Variants in MACROD2 observed in about 807,000 individuals in gnomAD.
MACROD2 encodes ADP-ribose glycohydrolase MACROD2.
A neutral mutation model predicts 70.4 loss-of-function variants in MACROD2; 36 were observed. That is an observed-to-expected ratio of 0.51 (90% CI 0.39 to 0.68). The LOEUF (loss-of-function observed/expected upper bound fraction) is 0.68, where lower values mean the gene tolerates loss of function less well. Ranked by LOEUF, MACROD2 falls within the 30% of genes least tolerant of loss-of-function variation. MACROD2 has a pLI of 0.00. For missense variants in MACROD2, 496 were observed against 538.4 expected, an observed-to-expected ratio of 0.92 and a Z score of 0.78; for synonymous variants, 172 against 178.8, an observed-to-expected ratio of 0.96 and a Z score of 0.30.
chr20:14,879,534 A>T (rs2073587721), intron 5 of MACROD2, among the ~76,000 whole-genome samples: 1 of 152,216 alleles, frequency 6.6e-6, no homozygotes, highest in Admixed American at 6.5e-5. Flanking sequence ...GAGAGGCTAT[A>T]GAGGTGAAAT....
chr20:15,270,541 C>T (rs938385721), intron 6 of MACROD2, among the ~76,000 whole-genome samples: 4 of 151,878 alleles, frequency 2.6e-5, no homozygotes, highest in African/African-American at 9.7e-5. Context: ...GTTACATGAA[C>T]CTATTTGTGT....
At chr20:15,807,084 T>G (rs186017549) in intron 8 of MACROD2, among the ~76,000 whole-genome samples, 3 of 152,340 alleles carry the variant, frequency 2.0e-5, no homozygotes, top group Admixed American at 2.0e-4. Context: ...AACCTATGCA[T>G]GTATTTCCAG....
At chr20:15,380,731 T>C (rs1720428039) in intron 6 of MACROD2, among the ~76,000 whole-genome samples, 1 of 152,130 alleles carries the variant, frequency 6.6e-6, no homozygotes, top group South Asian at 2.1e-4. Flanking sequence ...GCAAACAATA[T>C]AGATTAAGGT....
At chr20:15,162,019 T>C (rs1042761292) in intron 5 of MACROD2, among the ~76,000 whole-genome samples, 1 of 147,500 alleles carries the variant, frequency 6.8e-6, no homozygotes, top group Non-Finnish European at 1.5e-5. Context: ...CTTAATGGGG[T>C]TAATTAAAAA....
chr20:14,898,693 C>T (rs79236197), intron 5 of MACROD2, among the ~76,000 whole-genome samples: 2,356 of 152,272 alleles, frequency 0.015, 41 homozygotes, highest in Non-Finnish European at 0.025. Context: ...TGGAATTATC[C>T]TACTGCCACA....
At chr20:15,229,166 T>A (rs2076937894) in intron 5 of MACROD2, among the ~76,000 whole-genome samples, 2 of 152,220 alleles carry the variant, frequency 1.3e-5, no homozygotes, top group South Asian at 4.1e-4. Context: ...ATTAAAAGTT[T>A]ACGTGTGTGT....
chr20:15,583,290 T>C (rs1335238725), intron 8 of MACROD2, among the ~76,000 whole-genome samples: 1 of 152,190 alleles, frequency 6.6e-6, no homozygotes, highest in Non-Finnish European at 1.5e-5. Context: ...AACAAAAGAC[T>C]ACATAAAGAA....
In MACROD2 at chr20:14,220,693, C is replaced by T. The variant is rs568276850; in HGVS notation, c.271+134965C>T. Among the ~76,000 whole-genome samples, 7 of 152,300 alleles carry T rather than the reference C, an allele frequency of 4.6e-5. No homozygotes were observed. The East Asian group carries it at 1.4e-3, about 29-fold the overall frequency. ...TAGGGTACCCAGCGAGCTCCCAGGG[C>T]CTTTCTGCTGCATCCTCTACCCCTG... On this transcript the variant is annotated intron_variant, in intron 3 of 17. Transcript: ENST00000684519.
intron 9 of MACROD2, among the ~76,000 whole-genome samples, chr20:15,867,590 A>G (rs924508157): frequency 6.6e-6 from 1 of 152,044 alleles, no homozygotes; most frequent in Non-Finnish European, 1.5e-5. Context: ...AAGTGCTTGT[A>G]TTTTTTCAGT....
intron 5 of MACROD2, among the ~76,000 whole-genome samples, chr20:14,808,095 A>C (rs1351984296): frequency 1.3e-5 from 2 of 152,068 alleles, no homozygotes; most frequent in East Asian, 3.9e-4. Flanking sequence ...TACAGAGAAC[A>C]TTGCAAAGAT....
intron 3 of MACROD2, among the ~76,000 whole-genome samples, chr20:14,351,099 T>C (rs903834529): frequency 2.6e-5 from 4 of 152,222 alleles, no homozygotes; most frequent in Admixed American, 2.6e-4. Context: ...TTCTGTTCCA[T>C]TGAGCTATGT....
chr20:15,925,943 A>C (rs770076255), intron 10 of MACROD2, among the ~76,000 whole-genome samples: 3 of 152,190 alleles, frequency 2.0e-5, no homozygotes, highest in African/African-American at 4.8e-5. Context: ...TGGATGCAGC[A>C]CTATTTGAGT....
intron 5 of MACROD2, among the ~76,000 whole-genome samples, chr20:15,027,693 T>G (rs990347215): frequency 1.8e-4 from 26 of 142,570 alleles, no homozygotes; most frequent in African/African-American, 6.9e-4. Context: ...TGGGCAAGAG[T>G]AGGACTCTCT....
chr20:14,271,806 G>A (rs922932653), intron 3 of MACROD2, among the ~76,000 whole-genome samples: 8 of 152,312 alleles, frequency 5.3e-5, no homozygotes, highest in African/African-American at 1.9e-4. Flanking sequence ...TAAAGGAGCT[G>A]ATGGAGCTGA....
rs1193196498 is a variant in MACROD2, at chr20:14,461,502, CT to C, written c.272-31967del. On this transcript the variant is annotated intron_variant, in intron 3 of 17. Transcript: ENST00000684519. ...TTTGTTTGCTGTTACTTCTCTAGGTCTTTTTTTTTTATTATACTTTAAGTTT... is the reference window on the plus strand; with the variant it reads ...TTTGTTTGCTGTTACTTCTCTAGGTCTTTTTTTTTATTATACTTTAAGTTT... 4.7e-4 allele frequency among the ~76,000 whole-genome samples: 70 copies of C among 147,502 alleles called. 1 individual carries two copies. The East Asian group carries it at 5.3e-3, about 11-fold the overall frequency.
At chr20:14,023,466 C>A (rs913005551) in intron 2 of MACROD2, among the ~76,000 whole-genome samples, 6 of 152,132 alleles carry the variant, frequency 3.9e-5, no homozygotes, top group Non-Finnish European at 7.4e-5. Flanking sequence ...AGTTATGAAG[C>A]CTTTGCCCAT....
chr20:15,421,242 G>A (rs1223234033), intron 6 of MACROD2, among the ~76,000 whole-genome samples: 1 of 152,046 alleles, frequency 6.6e-6, no homozygotes, highest in Non-Finnish European at 1.5e-5. Context: ...ACCAGGTGTG[G>A]TGGCATGCAC....
At chr20:15,480,307 C>G (rs1037060701) in intron 7 of MACROD2, among the ~76,000 whole-genome samples, 3 of 152,198 alleles carry the variant, frequency 2.0e-5, no homozygotes, top group Non-Finnish European at 4.4e-5. Context: ...CGCTTCTTAA[C>G]TCTTCGCTCC....
chr20:15,120,047 G>C (rs148831124), intron 5 of MACROD2, among the ~76,000 whole-genome samples: 1 of 152,194 alleles, frequency 6.6e-6, no homozygotes, highest in South Asian at 2.1e-4. Context: ...CCTAGGATCA[G>C]TAAACGCTAA....
Sources: allele counts gnomAD v4.1 joint callset (sites outside exome capture counted in the v4.1 genomes callset), GRCh38; gene constraint gnomAD v4.1.1; transcripts MANE v1.5; gene names NCBI Gene and HGNC (gene_info 2026-07-23, HGNC 2026-07-21).